The following ANKS1A variants were observed in gnomAD, a reference collection of about 807,000 sequenced individuals.
The protein encoded by ANKS1A is ankyrin repeat and sterile alpha motif domain containing 1A, also known as ankyrin repeat and SAM domain-containing protein 1A.
Under a neutral mutation model 120.3 loss-of-function variants are expected in ANKS1A, and 55 were observed. The observed-to-expected ratio is 0.46, with a 90% CI of 0.37 to 0.57. The LOEUF (loss-of-function observed/expected upper bound fraction) is 0.57. ANKS1A is among the 20% of genes least tolerant of loss of function. The pLI is 0.00. For synonymous variants in ANKS1A, 590 were observed against 604.7 expected (o/e 0.98, Z 0.36); for missense variants, 1,123 against 1,480.3 (o/e 0.76, Z 3.96).
In ANKS1A at chr6:34,950,288, G is replaced by A. The variant is rs192375466; in HGVS notation, c.198-16951G>A. ...GTCGCCCAGGCTGGAGTACAGTGGC[G>A]CGATCTTGGCTTACTGGAACCTCCG... On this transcript the variant is annotated intron_variant, in intron 1 of 23. Transcript: ENST00000360359. Among the ~76,000 whole-genome samples, 58 of 146,080 alleles carry A rather than the reference G, an allele frequency of 4.0e-4. 1 individual carries two copies. The highest frequency in any genetic ancestry group is 3.0e-3 in the Admixed American group (43 of 14,276).
chr6:34,968,635 A>G (rs1771016128), intron 2 of ANKS1A, among the ~76,000 whole-genome samples: 3 of 152,048 alleles, frequency 2.0e-5, no homozygotes, highest in African/African-American at 7.2e-5. Flanking sequence ...ACGGGGTTTC[A>G]CCATGTTGGT....
chr6:34,975,129 C>T (rs1016711108), intron 3 of ANKS1A, among the ~76,000 whole-genome samples: 2 of 152,084 alleles, frequency 1.3e-5, no homozygotes, highest in Non-Finnish European at 2.9e-5. Flanking sequence ...TTGCCTCTTC[C>T]CTGAAAGGCC....
At chr6:35,005,825 G>C in intron 10 of ANKS1A, 1 of 420,506 alleles carries the variant, frequency 2.4e-6, no homozygotes, top group Non-Finnish European at 4.6e-6. Flanking sequence ...CCCCAAGGTG[G>C]GTGGATCACT....
At chr6:35,027,704 T>C (rs1408629637) in intron 11 of ANKS1A, among the ~76,000 whole-genome samples, 2 of 152,154 alleles carry the variant, frequency 1.3e-5, no homozygotes, top group Non-Finnish European at 2.9e-5. Context: ...CTCAAAGATG[T>C]GCTCTCTGAT....
intron 1 of ANKS1A, among the ~76,000 whole-genome samples, chr6:34,960,090 C>T (rs1471257162): frequency 2.0e-5 from 3 of 152,146 alleles, no homozygotes; most frequent in Non-Finnish European, 4.4e-5. Context: ...ACTCCCCTCT[C>T]CAGCCACAGG....
At chr6:35,018,118 C>A in intron 11 of ANKS1A, 59 bp downstream of exon 11, 1 of 1,540,146 alleles carries the variant, frequency 6.5e-7, no homozygotes, top group Admixed American at 1.8e-5. Context: ...CAGCCCACCA[C>A]AGCTCCCGTG....
At chr6:35,064,592 C>G (rs915417779) in intron 13 of ANKS1A, among the ~76,000 whole-genome samples, 1 of 152,214 alleles carries the variant, frequency 6.6e-6, no homozygotes, top group African/African-American at 2.4e-5. Context: ...CCTTCCTGTT[C>G]CTGTCCCCTG....
rs76450636 is a variant in ANKS1A at position 34,939,487 on chromosome 6, T to G, written c.198-27752T>G. ...ACAAGTGCAGTTTGTTTTAGCAATATTATAATATACACTATGGTGAAGTAA... is the reference window on the plus strand; with the variant it reads ...ACAAGTGCAGTTTGTTTTAGCAATAGTATAATATACACTATGGTGAAGTAA... On this transcript the variant is annotated intron_variant, in intron 1 of 23. Transcript: ENST00000360359. 2.9e-4 allele frequency among the ~76,000 whole-genome samples: 44 copies of G among 152,362 alleles called. No individual in the cohort carries two copies. The East Asian group carries it at 7.9e-3, about 27-fold the overall frequency.
chr6:34,890,678 C>T (rs966128585), intron 1 of ANKS1A, among the ~76,000 whole-genome samples: 1 of 152,118 alleles, frequency 6.6e-6, no homozygotes, highest in African/African-American at 2.4e-5. Flanking sequence ...TTTTGTGTGG[C>T]TTCGAAGGGG....
intron 11 of ANKS1A, among the ~76,000 whole-genome samples, chr6:35,021,472 A>G (rs1362574365): frequency 6.6e-6 from 1 of 152,176 alleles, no homozygotes; most frequent in Non-Finnish European, 1.5e-5. Context: ...CGGTGCATGG[A>G]CTACCTCAGT....
the ANKS1A span, among the ~76,000 whole-genome samples, chr6:35,097,696 T>A: frequency 7.1e-6 from 1 of 141,588 alleles, no homozygotes; most frequent in Non-Finnish European, 1.5e-5. Context: ...TGCTTGCCCA[T>A]CCACGTTGAT....
chr6:34,983,576 A>G, intron 7 of ANKS1A, 151 bp downstream of exon 7: 1 of 676,552 alleles, frequency 1.5e-6, no homozygotes, highest in East Asian at 2.7e-5. Flanking sequence ...GCCAACTACT[A>G]TGTGAAGTTT....
chr6:35,020,599 T>C (rs1289794583), intron 11 of ANKS1A, among the ~76,000 whole-genome samples: 1 of 152,204 alleles, frequency 6.6e-6, no homozygotes, highest in Non-Finnish European at 1.5e-5. Context: ...AGGTCAGCAG[T>C]GCTGGGCGAT....
chr6:35,021,101 C>G (rs1774309994), intron 11 of ANKS1A, among the ~76,000 whole-genome samples: 1 of 152,196 alleles, frequency 6.6e-6, no homozygotes, highest in African/African-American at 2.4e-5. Context: ...AGTGTTTCCC[C>G]CAGTGATTGG....
chr6:35,023,137 A>G (rs1391011190), intron 11 of ANKS1A, among the ~76,000 whole-genome samples: 1 of 152,116 alleles, frequency 6.6e-6, no homozygotes, highest in African/African-American at 2.4e-5. Flanking sequence ...CCTTCTCCCA[A>G]TAGCTGTTCT....
Position 35,057,845 on chromosome 6 carries a change from G to C in ANKS1A, c.2078-2302G>C, listed in dbSNP as rs887172318. Among the ~76,000 whole-genome samples, 4 of 152,230 alleles carry C rather than the reference G, an allele frequency of 2.6e-5. No individual in the cohort carries two copies. Among genetic ancestry groups the C allele is most frequent in the African/African-American group, 9.7e-5 (4 of 41,450 alleles). On this transcript the variant is annotated intron_variant, in intron 12 of 23. Transcript: ENST00000360359. The surrounding 1 kb of genome is among the most constrained non-coding windows in gnomAD (Gnocchi z 4.1). ...AAGTAGGGGGGTCACTTACCTGTGG[G>C]CTATGCCCTTTGGGTCTGGTCATTC...
At position 34,889,392 on chromosome 6, in the gene ANKS1A, C is replaced by G; in HGVS notation, c.-11C>G. On this transcript the variant is annotated 5_prime_UTR_variant, in exon 1 of 24. Coordinates refer to ENST00000360359, the MANE Select transcript of ANKS1A (RefSeq NM_015245.3). The surrounding 1 kb of genome is among the most constrained non-coding windows in gnomAD (Gnocchi z 5.5). The stretch of plus-strand genomic sequence containing the variant: ...CTCGGGGAGGGGGTCCAGCGGGTGG[C>G]GGCCCTGGGGATGGGGAAGGAGCAG... 1.6e-6 allele frequency: 2 copies of G among 1,259,296 alleles called. No homozygotes were observed. The highest frequency in any genetic ancestry group is 6.5e-5 in the South Asian group (2 of 30,892). 78.0% of individuals were successfully genotyped at this position (1,259,296 alleles called of 1,614,324 possible).
chr6:34,990,491 CTTTTT>C (rs36082323), intron 9 of ANKS1A, among the ~76,000 whole-genome samples: 2 of 138,778 alleles, frequency 1.4e-5, no homozygotes, highest in Non-Finnish European at 3.1e-5. Context: ...TACCCCCCTC[CTTTTT>C]TTTTTTTTTT....
intron 1 of ANKS1A, among the ~76,000 whole-genome samples, chr6:34,895,938 C>T (rs1427771168): frequency 6.6e-6 from 1 of 150,994 alleles, no homozygotes; most frequent in Non-Finnish European, 1.5e-5. Context: ...TACAGGCGCA[C>T]GTATTTTAGT....
Sources: allele counts gnomAD v4.1 joint callset (sites outside exome capture counted in the v4.1 genomes callset), GRCh38; gene constraint gnomAD v4.1.1; non-coding constraint Gnocchi (gnomAD v3.1); transcripts MANE v1.5; gene names NCBI Gene and HGNC (gene_info 2026-07-23, HGNC 2026-07-21).